The following MACROD2 variants were observed in gnomAD, a reference collection of about 807,000 sequenced individuals.
MACROD2 encodes ADP-ribose glycohydrolase MACROD2.
Under a neutral mutation model 70.4 loss-of-function variants are expected in MACROD2, and 36 were observed. That is an observed-to-expected ratio of 0.51 (90% CI 0.39 to 0.68). The LOEUF (loss-of-function observed/expected upper bound fraction) is 0.68. Among genes scored for constraint, MACROD2 ranks in the 30% least tolerant of loss-of-function variants. The pLI, the probability that MACROD2 is intolerant of heterozygous loss-of-function variation, is 0.00. For synonymous variants in MACROD2, 172 were observed against 178.8 expected, an observed-to-expected ratio of 0.96 and a Z score of 0.30; for missense variants, 496 against 538.4, an observed-to-expected ratio of 0.92 and a Z score of 0.78.
chr20:15,125,531 T>C (rs2123260676), intron 5 of MACROD2, among the ~76,000 whole-genome samples: 1 of 152,218 alleles, frequency 6.6e-6, no homozygotes, highest in Non-Finnish European at 1.5e-5. Context: ...AGAAGAAAGT[T>C]TGGGAACGTT....
At chr20:15,470,804 C>A (rs2046954485) in intron 7 of MACROD2, among the ~76,000 whole-genome samples, 1 of 152,214 alleles carries the variant, frequency 6.6e-6, no homozygotes, top group Non-Finnish European at 1.5e-5. Context: ...CCATCCCAGA[C>A]CTTGCCTTAC....
At chr20:14,782,214 G>A (rs991221542) in intron 5 of MACROD2, among the ~76,000 whole-genome samples, 2 of 151,860 alleles carry the variant, frequency 1.3e-5, no homozygotes, top group Non-Finnish European at 2.9e-5. Flanking sequence ...ATGAGCTACC[G>A]TACCCAGCCT....
At chr20:15,522,612 T>G (rs7274409) in intron 8 of MACROD2, among the ~76,000 whole-genome samples, 3,686 of 152,268 alleles carry the variant, frequency 0.024, 143 homozygotes, top group African/African-American at 0.083. Flanking sequence ...ATTATAAGCT[T>G]TGTGAAATTA....
intron 4 of MACROD2, among the ~76,000 whole-genome samples, chr20:14,659,020 AGAGTTTCT>A (rs1283571117): frequency 6.6e-6 from 1 of 152,186 alleles, no homozygotes; most frequent in East Asian, 1.9e-4. Context: ...TTCCACCTCT[AGAGTTTCT>A]GATTCGGTAG....
intron 7 of MACROD2, among the ~76,000 whole-genome samples, chr20:15,468,408 G>A (rs547923439): frequency 6.6e-6 from 1 of 152,244 alleles, no homozygotes; most frequent in East Asian, 1.9e-4. Flanking sequence ...TGTTGTTCCT[G>A]TTCCATTCCT....
At chr20:15,568,740 T>C (rs1187468749) in intron 8 of MACROD2, among the ~76,000 whole-genome samples, 1 of 152,212 alleles carries the variant, frequency 6.6e-6, no homozygotes, top group Non-Finnish European at 1.5e-5. Context: ...GATGTTTTCC[T>C]GACCATCAAA....
At chr20:14,852,924 G>A (rs1013568456) in intron 5 of MACROD2, among the ~76,000 whole-genome samples, 8 of 152,104 alleles carry the variant, frequency 5.3e-5, no homozygotes, top group South Asian at 2.1e-4. Context: ...TTTCAAAGAC[G>A]TTGCTGTCCT....
intron 8 of MACROD2, among the ~76,000 whole-genome samples, chr20:15,786,838 T>G (rs2051936655): frequency 1.3e-5 from 2 of 152,240 alleles, no homozygotes; most frequent in African/African-American, 4.8e-5. Flanking sequence ...TACAAACATT[T>G]TAAACCTTGA....
chr20:14,499,482 G>A lies in MACROD2; in HGVS notation c.301+5974G>A, dbSNP rs563629393. ...CTGGACGTTGAGGCTGCAGTGAGCC[G>A]TGATCACACCACTGCACTCCAGCCT... On this transcript the variant is annotated intron_variant, in intron 4 of 17. Transcript: ENST00000684519. Among the ~76,000 whole-genome samples the A allele has an allele frequency of 1.8e-3, 276 of 152,066 alleles. 1 individual carries two copies. The highest frequency in any genetic ancestry group is 6.3e-3 in the African/African-American group (260 of 41,486).
intron 8 of MACROD2, among the ~76,000 whole-genome samples, chr20:15,692,407 G>A (rs562779864): frequency 6.6e-6 from 1 of 152,104 alleles, no homozygotes; most frequent in South Asian, 2.1e-4. Context: ...CAATAGCTTT[G>A]AACTCTTGCT....
intron 8 of MACROD2, among the ~76,000 whole-genome samples, chr20:15,501,408 A>C (rs1185796730): frequency 6.6e-6 from 1 of 152,218 alleles, no homozygotes; most frequent in Non-Finnish European, 1.5e-5. Context: ...CATATCATCG[A>C]GGATGTAGTG....
At chr20:15,138,569 TTTAA>T (rs1438895089) in intron 5 of MACROD2, among the ~76,000 whole-genome samples, 5 of 152,180 alleles carry the variant, frequency 3.3e-5, no homozygotes, top group African/African-American at 1.2e-4. Context: ...AAAGAAATGG[TTTAA>T]TTTTCTCTCA....
chr20:16,003,038 G>A (rs1188059891), intron 15 of MACROD2, among the ~76,000 whole-genome samples: 1 of 151,260 alleles, frequency 6.6e-6, no homozygotes, highest in Non-Finnish European at 1.5e-5. Flanking sequence ...TGGGCTCGGG[G>A]CTGGGGCACA....
At chr20:14,800,925 C>T (rs924384446) in intron 5 of MACROD2, among the ~76,000 whole-genome samples, 6 of 152,108 alleles carry the variant, frequency 3.9e-5, no homozygotes, top group African/African-American at 1.2e-4. Context: ...TCTGCCACAA[C>T]AGTCAATGCA....
At chr20:15,305,672 T>C (rs6079739) in intron 6 of MACROD2, among the ~76,000 whole-genome samples, 5,785 of 151,994 alleles carry the variant, frequency 0.038, 140 homozygotes, top group South Asian at 0.095. Flanking sequence ...TGTGTGTGTG[T>C]GCGCGCACAC....
At chr20:14,613,095 T>C (rs1983269264) in intron 4 of MACROD2, among the ~76,000 whole-genome samples, 1 of 152,128 alleles carries the variant, frequency 6.6e-6, no homozygotes, top group South Asian at 2.1e-4. Flanking sequence ...ACATTAATTT[T>C]GAGCCAAATT....
chr20:15,744,804 T>C (rs1190194366), intron 8 of MACROD2, among the ~76,000 whole-genome samples: 1 of 151,988 alleles, frequency 6.6e-6, no homozygotes, highest in Non-Finnish European at 1.5e-5. Flanking sequence ...AATCCTTGGT[T>C]TGTGTCTCTT....
chr20:15,335,151 A>G (rs2078034557), intron 6 of MACROD2, among the ~76,000 whole-genome samples: 1 of 151,814 alleles, frequency 6.6e-6, no homozygotes, highest in Non-Finnish European at 1.5e-5. Context: ...CCCTTCATCC[A>G]ATCCCTGATT....
At chr20:15,213,286 A>G (rs17362002) in intron 5 of MACROD2, among the ~76,000 whole-genome samples, 25,696 of 152,060 alleles carry the variant, frequency 0.17, 2,640 homozygotes, top group Non-Finnish European at 0.24. Flanking sequence ...CTTGTCTTCA[A>G]TTTGTTATCC....
Sources: gnomAD v4.1 joint callset for allele counts (sites outside exome capture counted in the v4.1 genomes callset) on GRCh38, gnomAD v4.1.1 for gene constraint, MANE v1.5 for transcripts, NCBI Gene and HGNC (gene_info 2026-07-23, HGNC 2026-07-21) for gene names.